JAML: variants seen among roughly 807,000 people sequenced by gnomAD.
The protein encoded by JAML is junction adhesion molecule like.
In JAML, 25 loss-of-function variants were observed where a neutral mutation model predicts 39.3. The ratio of observed to expected loss-of-function variants is 0.64; its 90% CI spans 0.46 to 0.89. The LOEUF is 0.89. Ranked by LOEUF, JAML falls within the 40% of genes least tolerant of loss-of-function variation. The pLI, the probability that JAML is intolerant of heterozygous loss-of-function variation, is 0.00. For missense variants in JAML, 440 were observed against 486.9 expected, an observed-to-expected ratio of 0.90 and a Z score of 0.91; for synonymous variants, 162 against 179.2, an observed-to-expected ratio of 0.90 and a Z score of 0.77.
chr11:118,223,598 T>C (rs1380974278), intron 1 of JAML, among the ~76,000 whole-genome samples: 1 of 152,214 alleles, frequency 6.6e-6, no homozygotes, highest in African/African-American at 2.4e-5. Context: ...TCATGCTGTC[T>C]TTATTGCGAC....
At chr11:118,196,069 G>A (rs1462669970) in intron 9 of JAML, among the ~76,000 whole-genome samples, 1 of 151,438 alleles carries the variant, frequency 6.6e-6, no homozygotes, top group African/African-American at 2.4e-5. Context: ...CTGACCTCAA[G>A]TGATCCACCT....
chr11:118,196,352 T>A (rs1399096234), intron 9 of JAML, among the ~76,000 whole-genome samples: 1 of 152,048 alleles, frequency 6.6e-6, no homozygotes, highest in Non-Finnish European at 1.5e-5. Flanking sequence ...GGTCTTGAAC[T>A]CCTGGCCTCA....
intron 1 of JAML, 58 bp from the exon 2 acceptor site, chr11:118,214,944 A>G: frequency 6.6e-7 from 1 of 1,511,938 alleles, no homozygotes; most frequent in Non-Finnish European, 9.2e-7. Flanking sequence ...ATTAATTTAA[A>G]AAACCAATAG....
rs1215073070 is a variant in JAML, at chr11:118,198,046, A to G, written c.957T>C (p.Asn319=). The change falls in exon 8 of 10, where the codon AAT becomes AAC. Residue 319 remains asparagine, a synonymous_variant. Transcript: ENST00000356289. ...TVLVKNTKKT[N]PEIKEKPCHF... Reference sequence around the variant, plus strand: ...GGCAGGGTTTTTCTTTTATCTCTGGATTAGTCTTCTTCGTGTTCTTCACCA... The same window carrying G: ...GGCAGGGTTTTTCTTTTATCTCTGGGTTAGTCTTCTTCGTGTTCTTCACCA... 9 of 1,614,020 alleles carry G rather than the reference A, an allele frequency of 5.6e-6. No homozygotes were observed. The highest frequency in any genetic ancestry group is 7.6e-6 in the Non-Finnish European group (9 of 1,180,010).
intron 8 of JAML, chr11:118,197,309 T>C (rs1159178577): frequency 6.5e-6 from 1 of 152,744 alleles, no homozygotes; most frequent in Non-Finnish European, 1.5e-5. Flanking sequence ...ACCACTGCAC[T>C]CTACTGGGAA....
In JAML at chr11:118,205,936, T is replaced by A; in HGVS notation, c.480A>T (p.Thr160=). The change falls in exon 5 of 10, where the codon ACA becomes ACT. Residue 160 remains threonine (T), a synonymous_variant. Transcript: ENST00000356289. ...LIQMGCVFQS[T]EVKHVTKVEW... is the part of the protein sequence containing the mutation. ...CTACCTTGGTCACGTGTTTCACTTCTGTGCTCTGGAAAACACATCCCATCT... is the reference window on the plus strand; with the variant it reads ...CTACCTTGGTCACGTGTTTCACTTCAGTGCTCTGGAAAACACATCCCATCT... 2 of 1,614,202 alleles carry A rather than the reference T, an allele frequency of 1.2e-6. No individual in the cohort carries two copies. The highest frequency in any genetic ancestry group is 8.5e-7 in the Non-Finnish European group (1 of 1,180,016).
Position 118,198,202 on chromosome 11 carries a change from C to A in JAML, c.912-111G>T, listed in dbSNP as rs1292203144. ...GAAGAGAGAGACACCAGAGAAGGAACTATTCTCTCTGGACTCCTACAGCCA... is the reference window on the plus strand; with the variant it reads ...GAAGAGAGAGACACCAGAGAAGGAAATATTCTCTCTGGACTCCTACAGCCA... On this transcript the variant is annotated intron_variant, in intron 7 of 9. Transcript: ENST00000356289. 20 of 874,646 alleles carry A rather than the reference C, an allele frequency of 2.3e-5. No individual in the cohort carries two copies. In the East Asian group the frequency reaches 4.9e-4, roughly 22 times the overall value. The allele number at this position is 874,646 out of a possible 1,614,324, so 54.2% of individuals were successfully genotyped here. A position where few individuals can be genotyped will look rare whatever the true frequency, so the allele number is the denominator to read the frequency against.
intron 4 of JAML, chr11:118,209,324 T>C (rs1457127418): frequency 6.2e-6 from 1 of 160,732 alleles, no homozygotes; most frequent in African/African-American, 2.4e-5. Flanking sequence ...GCCCAATGAA[T>C]ACAACAGGAA....
chr11:118,211,746 A>C lies in JAML; in HGVS notation c.198+661T>G, dbSNP rs1197432888. Reference sequence around the variant, plus strand: ...GATGTTTTTCACAAATGATCCTGATATACGAGTATCTATACAGACTGTCTG... The same window carrying C: ...GATGTTTTTCACAAATGATCCTGATCTACGAGTATCTATACAGACTGTCTG... On this transcript the variant is annotated intron_variant, in intron 3 of 9. Coordinates refer to ENST00000356289, the MANE Select transcript of JAML (RefSeq NM_001098526.2). Among the ~76,000 whole-genome samples the C allele has an allele frequency of 2.0e-5, 3 of 152,228 alleles. No individual in the cohort carries two copies. The East Asian group carries it at 5.8e-4, about 29-fold the overall frequency.
At chr11:118,200,410 T>TTTC in intron 7 of JAML, 64 bp downstream of exon 7, 1 of 1,583,898 alleles carries the variant, frequency 6.3e-7, no homozygotes. Flanking sequence ...CCTGTTCTAC[T>TTTC]TTGGGGTAGA....
At chr11:118,195,197 C>T (rs937635144) in intron 9 of JAML, among the ~76,000 whole-genome samples, 4 of 152,116 alleles carry the variant, frequency 2.6e-5, no homozygotes, top group Non-Finnish European at 5.9e-5. Flanking sequence ...GATGAGGCCT[C>T]GCAAGTTACT....
intron 2 of JAML, chr11:118,213,367 A>T: frequency 1.0e-6 from 1 of 992,328 alleles, no homozygotes; most frequent in Non-Finnish European, 1.2e-6. Context: ...GATGGGAATG[A>T]ACAGAAAATG....
At chr11:118,203,376 C>T (rs764488306) in intron 6 of JAML, 52 bp downstream of exon 6, 1 of 1,509,788 alleles carries the variant, frequency 6.6e-7, no homozygotes, top group Non-Finnish European at 9.2e-7. Flanking sequence ...AGTCCTGGCG[C>T]CATGCACCAG....
Position 118,197,987 on chromosome 11 carries a change from C to T in JAML, c.1005+11G>A. On this transcript the variant is annotated intron_variant, in intron 8 of 9. Transcript: ENST00000356289. ...ATCTACTTAGTGTTTTAGGCTGAAG[C>T]GTGTGTTCACCTCCCCTTCACATCT... 2 of 1,610,656 alleles carry T rather than the reference C, an allele frequency of 1.2e-6. No individual in the cohort carries two copies. The highest frequency in any genetic ancestry group is 8.5e-7 in the Non-Finnish European group (1 of 1,176,862).
At chr11:118,200,231 T>C (rs981347287) in intron 7 of JAML, among the ~76,000 whole-genome samples, 3 of 152,148 alleles carry the variant, frequency 2.0e-5, no homozygotes, top group African/African-American at 7.2e-5. Context: ...GAGGCCCCCA[T>C]TTCTAAGGGA....
intron 2 of JAML, 170 bp from the exon 3 acceptor site, chr11:118,212,731 C>T: frequency 6.6e-7 from 1 of 1,522,232 alleles, no homozygotes; most frequent in Non-Finnish European, 8.8e-7. Flanking sequence ...CTCTAGTTAC[C>T]TATATGGCTC....
intron 1 of JAML, among the ~76,000 whole-genome samples, chr11:118,219,599 C>G (rs1053532894): frequency 3.9e-5 from 6 of 152,228 alleles, no homozygotes; most frequent in African/African-American, 1.4e-4. Context: ...CTGTGCTGCC[C>G]ATTACAACCT....
In JAML at chr11:118,196,820, T is replaced by C; in HGVS notation, c.1007A>G (p.Lys336Arg). The change falls in exon 9 of 10, where the codon AAA becomes AGA. Residue 336 changes from lysine to arginine, a missense_variant and splice_region_variant. By Grantham distance (26) the Lys-to-Arg change is conservative. Transcript: ENST00000356289. ...TACAATTATTGGGGAGTAAATGTGT[T>C]TCTAGAGGGGGAAAATGGTACAAAA... ...PCHFERCEGEKHIYSPIIVRE... is the reference protein window; with the variant it reads ...PCHFERCEGERHIYSPIIVRE... 6.2e-7 allele frequency: 1 copy of C among 1,607,534 alleles called. No homozygotes were observed.
intron 1 of JAML, among the ~76,000 whole-genome samples, chr11:118,220,542 T>C (rs1949199413): frequency 6.6e-6 from 1 of 152,154 alleles, no homozygotes; most frequent in South Asian, 2.1e-4. Flanking sequence ...AAAAGAAACA[T>C]CTACTTTTCT....
Sources: gnomAD v4.1 joint callset for allele counts (sites outside exome capture counted in the v4.1 genomes callset) on GRCh38, gnomAD v4.1.1 for gene constraint, MANE v1.5 for transcripts, NCBI Gene and HGNC (gene_info 2026-07-23, HGNC 2026-07-21) for gene names.